CUZD1: variants seen among roughly 807,000 people sequenced by gnomAD.
CUZD1 encodes CUB and zona pellucida like domains 1.
In CUZD1, 42 loss-of-function variants were observed where a neutral mutation model predicts 53.1. That is an observed-to-expected ratio of 0.79 (90% CI 0.62 to 1.02). The LOEUF is 1.02. Ranked by LOEUF, CUZD1 falls within the 50% of genes least tolerant of loss-of-function variation. The pLI is 0.00. For synonymous variants in CUZD1, 238 were observed against 257.2 expected (o/e 0.93, Z 0.71); for missense variants, 670 against 715.7 (o/e 0.94, Z 0.73).
Position 122,837,229 on chromosome 10 carries a change from G to C in CUZD1, c.599+175C>G, listed in dbSNP as rs1847268170. Among the ~76,000 whole-genome samples, 3 of 152,018 alleles carry C rather than the reference G, an allele frequency of 2.0e-5. No individual in the cohort carries two copies. In the South Asian group the frequency reaches 6.2e-4, roughly 32 times the overall value. ...TCTGACAAGGACCTCAGAATCTTCA[G>C]AAAAATAGTCAACTTAGTTCAATGG... On this transcript the variant is annotated intron_variant, in intron 4 of 8. Transcript: ENST00000392790.
intron 6 of CUZD1, 36 bp from the exon 7 acceptor site, chr10:122,835,133 A>T: frequency 6.8e-7 from 1 of 1,471,374 alleles, no homozygotes; most frequent in Non-Finnish European, 9.1e-7. Context: ...TTTATATTTT[A>T]AGTCCAGTAA....
rs1402296117 is a variant in CUZD1, at chr10:122,836,191, C to T, written c.977G>A (p.Gly326Asp). 6.2e-7 allele frequency: 1 copy of T among 1,602,556 alleles called. No individual in the cohort carries two copies. Among genetic ancestry groups the T allele is most frequent in the South Asian group, 1.1e-5 (1 of 88,540 alleles). The change falls in exon 6 of 9, where the codon GGT becomes GAT. Residue 326 changes from glycine to aspartate, a missense_variant. Transcript: ENST00000392790. ...ATTTCACTTTACCTTTCTGATTGTA[C>T]CACATCCATTAAGAGGGACAGAAAA... is the stretch of plus-strand genomic sequence containing the variant. ...VEFSVPLNGCGTIRKVEDQSI... is the reference protein window; with the variant it reads ...VEFSVPLNGCDTIRKVEDQSI...
intron 1 of CUZD1, among the ~76,000 whole-genome samples, chr10:122,844,822 C>T (rs1158310952): frequency 6.6e-6 from 1 of 152,070 alleles, no homozygotes; most frequent in Non-Finnish European, 1.5e-5. Flanking sequence ...TGGTCAAAAA[C>T]CCCACCTACA....
In CUZD1 at chr10:122,833,713, G is replaced by C. The variant is rs1002086261; in HGVS notation, c.1610C>G (p.Pro537Arg). ...ACTTCGATCCCTTTTCAGACGAATG[G>C]GTCCTATGATGGAATCTGTTTTCCA... is the stretch of plus-strand genomic sequence containing the variant. The part of the protein sequence containing the change: ...YKWKTDSIIG[P>R]IRLKRDRSAS... Residue 537 changes from proline to arginine, a missense_variant, in exon 8 of 9, where the codon CCC becomes CGC. Pro to Arg is a moderately radical substitution (Grantham distance 103). Transcript: ENST00000392790. 4 of 1,613,806 alleles carry C rather than the reference G, an allele frequency of 2.5e-6. No individual in the cohort carries two copies. Among genetic ancestry groups the C allele is most frequent in the Non-Finnish European group, 3.4e-6 (4 of 1,179,924 alleles).
At position 122,835,136 on chromosome 10, in the gene CUZD1, T is replaced by C. The variant is rs77641396; in HGVS notation, c.991-39A>G. On this transcript the variant is annotated intron_variant, in intron 6 of 8. Coordinates refer to ENST00000392790, the MANE Select transcript of CUZD1 (RefSeq NM_022034.6). Reference sequence around the variant, plus strand: ...TAGAATTCAATTTTTATATTTTAAGTCCAGTAATATTTTAGAGCATAGATG... The same window carrying C: ...TAGAATTCAATTTTTATATTTTAAGCCCAGTAATATTTTAGAGCATAGATG... 5 of 1,465,474 alleles carry C rather than the reference T, an allele frequency of 3.4e-6. No individual in the cohort carries two copies. In the East Asian group the frequency reaches 9.2e-5, roughly 27 times the overall value. 90.8% of individuals were successfully genotyped at this position (1,465,474 alleles called of 1,614,324 possible).
chr10:122,845,443 T>G (rs1360830402), intron 1 of CUZD1, among the ~76,000 whole-genome samples: 1 of 152,146 alleles, frequency 6.6e-6, no homozygotes, highest in African/African-American at 2.4e-5. Flanking sequence ...ATAATGAAAA[T>G]TCATGTTGTA....
intron 3 of CUZD1, 56 bp downstream of exon 3, chr10:122,838,961 T>C: frequency 7.7e-7 from 1 of 1,305,222 alleles, no homozygotes; most frequent in Non-Finnish European, 1.1e-6. Context: ...GACAGAAGAG[T>C]GTGTAACCTG....
At chr10:122,840,933 C>T in intron 2 of CUZD1, among the ~76,000 whole-genome samples, 1 of 152,118 alleles carries the variant, frequency 6.6e-6, no homozygotes. Context: ...AAGTTCTCAA[C>T]CTTGTTGTGT....
intron 1 of CUZD1, among the ~76,000 whole-genome samples, chr10:122,842,591 G>A (rs1474524304): frequency 6.6e-6 from 1 of 152,042 alleles, no homozygotes; most frequent in Non-Finnish European, 1.5e-5. Flanking sequence ...GGCTATTCCA[G>A]TTCCTTTGCT....
intron 1 of CUZD1, among the ~76,000 whole-genome samples, chr10:122,845,264 A>C (rs1418204805): frequency 6.6e-6 from 1 of 152,046 alleles, no homozygotes. Context: ...TTTAGTAGAG[A>C]TGGGGTTTCA....
At chr10:122,839,353 A>G (rs1847301039) in intron 2 of CUZD1, 122 bp from the exon 3 acceptor site, 1 of 820,558 alleles carries the variant, frequency 1.2e-6, no homozygotes, top group South Asian at 1.7e-5. Flanking sequence ...TTTCATTTAA[A>G]CCTCTCCAAG....
At chr10:122,838,249 C>G (rs1022929951) in intron 3 of CUZD1, among the ~76,000 whole-genome samples, 1 of 152,126 alleles carries the variant, frequency 6.6e-6, no homozygotes. Flanking sequence ...CTGGGTCCAG[C>G]GTGGGAAAAC....
Position 122,841,249 on chromosome 10 carries a change from G to A in CUZD1, c.162C>T (p.Pro54=), listed in dbSNP as rs1270538989. Residue 54 remains proline, a synonymous_variant, in exon 2 of 9, where the codon CCC becomes CCT. Coordinates refer to ENST00000392790, the MANE Select transcript of CUZD1 (RefSeq NM_022034.6). ...CTATTGTCCAGGTGCAGTTCTCACT[G>A]GGATTGAGTTGCAGGATCATGGCTT... ...THKAMILQLN[P]SENCTWTIER... is the part of the protein sequence containing the mutation. The A allele has an allele frequency of 6.2e-7, 1 of 1,614,026 alleles. No individual in the cohort carries two copies. Among genetic ancestry groups the A allele is most frequent in the Non-Finnish European group, 8.5e-7 (1 of 1,179,916 alleles).
intron 2 of CUZD1, among the ~76,000 whole-genome samples, chr10:122,839,543 C>T (rs1319353776): frequency 6.6e-6 from 1 of 152,202 alleles, no homozygotes; most frequent in Non-Finnish European, 1.5e-5. Context: ...GTCCATGTAA[C>T]TCTTTGATGA....
In CUZD1 at chr10:122,837,523, G is replaced by A. The variant is rs1327877123; in HGVS notation, c.480C>T (p.Thr160=). 2 of 1,593,828 alleles carry A rather than the reference G, an allele frequency of 1.3e-6. No individual in the cohort carries two copies. The highest frequency in any genetic ancestry group is 3.5e-5 in the Admixed American group (2 of 56,492). The change falls in exon 4 of 9, where the codon ACC becomes ACT. Residue 160 remains threonine (T), a synonymous_variant. Coordinates refer to ENST00000392790, the MANE Select transcript of CUZD1 (RefSeq NM_022034.6). ...SIPNCGGYLD[T]LEGSFTSPNY... is the part of the protein sequence containing the mutation. Reference sequence around the variant, plus strand: ...TGGGGCTGGTGAAGGATCCTTCCAAGGTATCCAGGTAACCGCCACAGTTTG... The same window carrying A: ...TGGGGCTGGTGAAGGATCCTTCCAAAGTATCCAGGTAACCGCCACAGTTTG...
At chr10:122,837,764 C>T (rs1199391070) in intron 3 of CUZD1, 3 of 448,396 alleles carry the variant, frequency 6.7e-6, no homozygotes, top group Non-Finnish European at 1.2e-5. Context: ...TATACTATTG[C>T]CAAACGAATC....
At chr10:122,845,504 T>C (rs550519057) in intron 1 of CUZD1, among the ~76,000 whole-genome samples, 1 of 152,236 alleles carries the variant, frequency 6.6e-6, no homozygotes, top group African/African-American at 2.4e-5. Context: ...TTGGACACTT[T>C]TATGCTTATT....
rs750641520 is a variant in CUZD1 at position 122,834,764 on chromosome 10, A to G, written c.1324T>C (p.Cys442Arg). The change falls in exon 7 of 9, where the codon TGT becomes CGT. Residue 442 changes from cysteine (C) to arginine (R), a missense_variant. Physicochemically the swap from Cys to Arg is radical, Grantham distance 180. Coordinates refer to ENST00000392790, the MANE Select transcript of CUZD1 (RefSeq NM_022034.6). ...DPNLVVFLDTCRASPTSDFAS... is the reference protein window; with the variant it reads ...DPNLVVFLDTRRASPTSDFAS... ...AAGTCAGAGGTGGGAGAGGCTCTAC[A>G]GGTATCAAGAAACACCACCAAATTT... 1.9e-5 allele frequency: 30 copies of G among 1,613,746 alleles called. No homozygotes were observed. Among genetic ancestry groups the G allele is most frequent in the South Asian group, 3.3e-5 (3 of 91,016 alleles).
At chr10:122,835,913 C>T (rs78886785) in intron 6 of CUZD1, among the ~76,000 whole-genome samples, 1,912 of 152,174 alleles carry the variant, frequency 0.013, 24 homozygotes, top group Non-Finnish European at 0.019. Context: ...TATAGATGTT[C>T]GAACTCTCTT....
Sources: gnomAD v4.1 joint callset for allele counts (sites outside exome capture counted in the v4.1 genomes callset) on GRCh38, gnomAD v4.1.1 for gene constraint, MANE v1.5 for transcripts, NCBI Gene and HGNC (gene_info 2026-07-23, HGNC 2026-07-21) for gene names.